Variants in SLC25A26 observed in about 807,000 individuals in gnomAD.
SLC25A26 encodes solute carrier family 25 member 26, also known as mitochondrial S-adenosylmethionine carrier protein.
In SLC25A26, 36 loss-of-function variants were observed where a neutral mutation model predicts 37.8. The observed-to-expected ratio is 0.95, with a 90% CI of 0.73 to 1.26. SLC25A26 has a LOEUF of 1.26. Ranked by LOEUF, SLC25A26 falls within the 50% of genes most tolerant of loss-of-function variation. The probability of loss-of-function intolerance (pLI) is 0.00; values close to 1 mark genes in which losing one functional copy is unlikely to be tolerated. For missense variants in SLC25A26, 390 were observed against 331.1 expected, an observed-to-expected ratio of 1.18 and a Z score of -1.38; for synonymous variants, 129 against 122.5, an observed-to-expected ratio of 1.05 and a Z score of -0.35.
chr3:66,248,648 G>A (rs2072953008), intron 3 of SLC25A26, among the ~76,000 whole-genome samples: 1 of 152,180 alleles, frequency 6.6e-6, no homozygotes, highest in African/African-American at 2.4e-5. Context: ...GTTCATAGGT[G>A]ACATGTACAT....
intron 5 of SLC25A26, among the ~76,000 whole-genome samples, chr3:66,287,343 TA>T (rs2074550397): frequency 6.6e-6 from 1 of 152,084 alleles, no homozygotes; most frequent in African/African-American, 2.4e-5. Context: ...TTTTCTCTCC[TA>T]AAACATCTCT....
intron 3 of SLC25A26, among the ~76,000 whole-genome samples, chr3:66,254,922 C>T (rs185395446): frequency 6.6e-6 from 1 of 152,256 alleles, no homozygotes; most frequent in Admixed American, 6.5e-5. Context: ...TACTTAGGGA[C>T]TTTGAAGAGC....
intron 6 of SLC25A26, among the ~76,000 whole-genome samples, chr3:66,349,606 T>A (rs1398943211): frequency 6.6e-6 from 1 of 152,200 alleles, no homozygotes; most frequent in East Asian, 1.9e-4. Context: ...CACTAGTTTA[T>A]ATACATTGAG....
At chr3:66,185,955 C>G (rs1188692253) in intron 1 of SLC25A26, among the ~76,000 whole-genome samples, 2 of 152,056 alleles carry the variant, frequency 1.3e-5, no homozygotes, top group African/African-American at 2.4e-5. Flanking sequence ...ACCCTGATGT[C>G]AAGACTAAAG....
chr3:66,184,366 C>A (rs2070774157), intron 1 of SLC25A26, among the ~76,000 whole-genome samples: 2 of 152,170 alleles, frequency 1.3e-5, no homozygotes, highest in South Asian at 4.2e-4. Flanking sequence ...CAATCCCGAC[C>A]CTGACCCAGA....
At chr3:66,193,883 TG>T (rs2106796791) in intron 1 of SLC25A26, among the ~76,000 whole-genome samples, 1 of 152,330 alleles carries the variant, frequency 6.6e-6, no homozygotes, top group Non-Finnish European at 1.5e-5. Flanking sequence ...TCAGAGAGGC[TG>T]TTCCTAACTG....
chr3:66,209,857 T>C (rs2071252804), intron 1 of SLC25A26, among the ~76,000 whole-genome samples: 1 of 118,110 alleles, frequency 8.5e-6, no homozygotes, highest in Non-Finnish European at 1.7e-5. Flanking sequence ...GAGGTGTGTA[T>C]ACACACACAT....
intron 5 of SLC25A26, among the ~76,000 whole-genome samples, chr3:66,294,727 A>G (rs1198396906): frequency 6.6e-6 from 1 of 152,182 alleles, no homozygotes; most frequent in Non-Finnish European, 1.5e-5. Context: ...CAAAAGAAAA[A>G]GGTGTAATTA....
chr3:66,368,958 C>T (rs1042335679), intron 7 of SLC25A26, among the ~76,000 whole-genome samples: 1 of 147,018 alleles, frequency 6.8e-6, no homozygotes, highest in African/African-American at 2.5e-5. Flanking sequence ...GAGGGTGAGG[C>T]TGCAGTGAGT....
At chr3:66,271,934 T>C (rs751387933) in intron 5 of SLC25A26, among the ~76,000 whole-genome samples, 2 of 152,146 alleles carry the variant, frequency 1.3e-5, no homozygotes, top group Admixed American at 6.6e-5. Flanking sequence ...CTTTAAAAAT[T>C]ATTTGGTGGT....
intron 1 of SLC25A26, among the ~76,000 whole-genome samples, chr3:66,209,796 C>T (rs1424491044): frequency 7.5e-6 from 1 of 132,548 alleles, no homozygotes; most frequent in African/African-American, 2.8e-5. Context: ...TATATATACA[C>T]ACCTATATAA....
At chr3:66,195,590 G>C (rs1174948377) in intron 1 of SLC25A26, among the ~76,000 whole-genome samples, 2 of 152,364 alleles carry the variant, frequency 1.3e-5, no homozygotes, top group Non-Finnish European at 2.9e-5. Context: ...TCGGGCTAGC[G>C]TCTGGCTGAT....
intron 1 of SLC25A26, among the ~76,000 whole-genome samples, chr3:66,136,573 CTTTTAGTTTCATG>C (rs980341050): frequency 2.6e-5 from 4 of 152,182 alleles, no homozygotes; most frequent in Non-Finnish European, 5.9e-5. Flanking sequence ...TAAAAGATGG[CTTTTAGTTTCATG>C]TTCCAGTTGA....
At chr3:66,352,046 T>G (rs1460593657) in intron 6 of SLC25A26, among the ~76,000 whole-genome samples, 1 of 151,838 alleles carries the variant, frequency 6.6e-6, no homozygotes, top group Non-Finnish European at 1.5e-5. Context: ...CTCAGGAGTT[T>G]GAGACCAGCC....
intron 5 of SLC25A26, among the ~76,000 whole-genome samples, chr3:66,292,305 A>G (rs1392133431): frequency 6.6e-6 from 1 of 152,144 alleles, no homozygotes; most frequent in Non-Finnish European, 1.5e-5. Flanking sequence ...TTTACATTTA[A>G]GATTAATATT....
At chr3:66,189,066 A>T (rs969995873) in intron 1 of SLC25A26, among the ~76,000 whole-genome samples, 2 of 152,114 alleles carry the variant, frequency 1.3e-5, no homozygotes, top group Non-Finnish European at 2.9e-5. Flanking sequence ...CTGAACAATG[A>T]CTGTGCCTGT....
At chr3:66,187,733 G>C (rs1343012873) in intron 1 of SLC25A26, among the ~76,000 whole-genome samples, 1 of 145,722 alleles carries the variant, frequency 6.9e-6, no homozygotes, top group Non-Finnish European at 1.5e-5. Flanking sequence ...CCCACACCCT[G>C]ACCAACACCT....
intron 5 of SLC25A26, among the ~76,000 whole-genome samples, chr3:66,286,115 C>T (rs1267070247): frequency 3.3e-5 from 5 of 152,032 alleles, no homozygotes; most frequent in African/African-American, 1.2e-4. Context: ...ATCCTTTGCC[C>T]TTAGGTGATT....
intron 1 of SLC25A26, among the ~76,000 whole-genome samples, chr3:66,230,662 G>A (rs982693853): frequency 6.6e-6 from 1 of 151,744 alleles, no homozygotes; most frequent in Non-Finnish European, 1.5e-5. Flanking sequence ...AAAATTAGCC[G>A]GGCATGGTGG....
Sources: gnomAD v4.1 joint callset for allele counts (sites outside exome capture counted in the v4.1 genomes callset) on GRCh38, gnomAD v4.1.1 for gene constraint, MANE v1.5 for transcripts, NCBI Gene and HGNC (gene_info 2026-07-23, HGNC 2026-07-21) for gene names.